EPB41L3: variants seen among roughly 807,000 people sequenced by gnomAD.
The protein encoded by EPB41L3 is band 4.1-like protein 3.
Under a neutral mutation model 127.1 loss-of-function variants are expected in EPB41L3, and 57 were observed. The observed-to-expected ratio is 0.45, with a 90% CI of 0.36 to 0.56. EPB41L3 has a LOEUF of 0.56. EPB41L3 is among the 20% of genes least tolerant of loss of function. The probability of loss-of-function intolerance (pLI) is 0.00; values close to 1 mark genes in which losing one functional copy is unlikely to be tolerated. For synonymous variants in EPB41L3, 572 were observed against 549.5 expected (o/e 1.04, Z -0.57); for missense variants, 1,273 against 1,372.2 (o/e 0.93, Z 1.14).
chr18:5,529,513 T>A (rs898419047), intron 1 of EPB41L3, among the ~76,000 whole-genome samples: 1 of 151,994 alleles, frequency 6.6e-6, no homozygotes, highest in African/African-American at 2.4e-5. Context: ...AAAGAATCAG[T>A]GCACAAGCTT....
intron 3 of EPB41L3, among the ~76,000 whole-genome samples, chr18:5,574,110 G>C (rs1401185202): frequency 1.3e-5 from 2 of 152,018 alleles, no homozygotes; most frequent in South Asian, 2.1e-4. Flanking sequence ...TCTCTTAACA[G>C]TGTGTCCTTC....
At chr18:5,433,376 A>G in intron 8 of EPB41L3, 93 bp downstream of exon 8, 1 of 861,414 alleles carries the variant, frequency 1.2e-6, no homozygotes, top group Non-Finnish European at 1.8e-6. Flanking sequence ...TTTCATTTAC[A>G]TTAACTGAAG....
intron 10 of EPB41L3, 131 bp downstream of exon 10, chr18:5,424,131 T>A (rs915881161): frequency 9.4e-6 from 6 of 640,874 alleles, no homozygotes; most frequent in Non-Finnish European, 1.5e-5. Context: ...GGATTTCTTA[T>A]CAAGAAATAT....
chr18:5,581,818 G>A (rs978514515), intron 3 of EPB41L3, among the ~76,000 whole-genome samples: 11 of 151,986 alleles, frequency 7.2e-5, no homozygotes, highest in East Asian at 1.9e-4. Context: ...GCAACATAGC[G>A]AGACTCTATC....
At position 5,397,054 on chromosome 18, in the gene EPB41L3, T is replaced by G. The variant is rs2073651940; in HGVS notation, c.2841+4A>C. The G allele has an allele frequency of 6.3e-7, 1 of 1,586,706 alleles. No homozygotes were observed. Among genetic ancestry groups the G allele is most frequent in the Non-Finnish European group, 8.6e-7 (1 of 1,168,676 alleles). On this transcript the variant is annotated splice_donor_region_variant and intron_variant, in intron 18 of 22. Coordinates refer to ENST00000341928, the MANE Select transcript of EPB41L3 (RefSeq NM_012307.5). This position sits in a 1 kb window ranked among gnomAD's most constrained non-coding sequence, Gnocchi z 4.1. ...TGATAAAAGTAACATTTACTACTAG[T>G]TACCTCAAAATGAGGTTTTTGTTCC...
intron 9 of EPB41L3, among the ~76,000 whole-genome samples, chr18:5,424,790 G>A (rs1387296423): frequency 1.3e-5 from 2 of 152,160 alleles, no homozygotes; most frequent in African/African-American, 4.8e-5. Flanking sequence ...TCTTAGAAAT[G>A]AGACTTTTCT....
At chr18:5,610,364 G>T in intron 3 of EPB41L3, 1 of 881,000 alleles carries the variant, frequency 1.1e-6, no homozygotes, top group Non-Finnish European at 1.4e-6. Flanking sequence ...TACAGTGGGA[G>T]TTAAGGAGAA....
At chr18:5,496,910 G>A (rs1220111136) in intron 1 of EPB41L3, among the ~76,000 whole-genome samples, 1 of 152,142 alleles carries the variant, frequency 6.6e-6, no homozygotes, top group East Asian at 1.9e-4. Flanking sequence ...TCTAATTGGA[G>A]GAGGAAAAGA....
chr18:5,548,439 A>C (rs533752438), upstream of EPB41L3, among the ~76,000 whole-genome samples: 2 of 152,230 alleles, frequency 1.3e-5, no homozygotes, highest in Non-Finnish European at 1.5e-5. Flanking sequence ...AAATGTATGA[A>C]AAGTATACAT....
intron 9 of EPB41L3, among the ~76,000 whole-genome samples, chr18:5,424,742 G>A (rs189092493): frequency 1.3e-5 from 2 of 152,226 alleles, no homozygotes; most frequent in Non-Finnish European, 2.9e-5. Flanking sequence ...GCAAGGTACA[G>A]AAATGAACAA....
intron 3 of EPB41L3, among the ~76,000 whole-genome samples, chr18:5,456,508 A>C (rs1317870064): frequency 6.6e-6 from 1 of 152,242 alleles, no homozygotes; most frequent in Non-Finnish European, 1.5e-5. Flanking sequence ...CACACTGTAA[A>C]TGATGCTTCA....
At chr18:5,446,463 T>A (rs1459898806) in intron 3 of EPB41L3, among the ~76,000 whole-genome samples, 1 of 152,226 alleles carries the variant, frequency 6.6e-6, no homozygotes. Flanking sequence ...ACAAATAAAC[T>A]AAATGAGTTT....
intron 1 of EPB41L3, among the ~76,000 whole-genome samples, chr18:5,508,623 C>T (rs1206396932): frequency 4.0e-5 from 6 of 151,616 alleles, no homozygotes; most frequent in Non-Finnish European, 1.5e-5. Context: ...AAAAATTAGC[C>T]GGGCATGGAG....
At chr18:5,416,811 T>C (rs944622190) in intron 12 of EPB41L3, among the ~76,000 whole-genome samples, 2 of 151,950 alleles carry the variant, frequency 1.3e-5, no homozygotes, top group Non-Finnish European at 2.9e-5. Flanking sequence ...ATAGTTCAGC[T>C]AGATTAAAAA....
At chr18:5,521,535 T>C (rs1011482129) in intron 1 of EPB41L3, 2 of 152,240 alleles carry the variant, frequency 1.3e-5, no homozygotes, top group African/African-American at 2.4e-5. Context: ...TAAGAAATGC[T>C]TGAAATTTAG....
chr18:5,566,815 A>AT (rs1041943971), intron 3 of EPB41L3, among the ~76,000 whole-genome samples: 4 of 110,430 alleles, frequency 3.6e-5, no homozygotes, highest in African/African-American at 1.3e-4. Context: ...TTCTAATTTT[A>AT]TTTTTTTGGA....
upstream of EPB41L3, among the ~76,000 whole-genome samples, chr18:5,545,566 A>G (rs904678665): frequency 3.3e-5 from 5 of 152,314 alleles, no homozygotes; most frequent in African/African-American, 1.2e-4. Flanking sequence ...ACTATATTCT[A>G]TAGATGTGTA....
intron 2 of EPB41L3, among the ~76,000 whole-genome samples, chr18:5,485,957 C>T (rs2148180957): frequency 1.3e-5 from 2 of 152,058 alleles, no homozygotes; most frequent in East Asian, 1.9e-4. Context: ...TAACAAAATA[C>T]CTATGACACT....
At chr18:5,538,172 G>C (rs1255470063) in intron 1 of EPB41L3, among the ~76,000 whole-genome samples, 1 of 152,146 alleles carries the variant, frequency 6.6e-6, no homozygotes, top group Non-Finnish European at 1.5e-5. Flanking sequence ...GATTGGCCAA[G>C]GTGTTCCCAA....
Sources: allele counts gnomAD v4.1 joint callset (sites outside exome capture counted in the v4.1 genomes callset), GRCh38; gene constraint gnomAD v4.1.1; non-coding constraint Gnocchi (gnomAD v3.1); transcripts MANE v1.5; gene names NCBI Gene and HGNC (gene_info 2026-07-23, HGNC 2026-07-21).